Variants in HECW2 observed in about 807,000 individuals in gnomAD.
The protein encoded by HECW2 is HECT, C2 and WW domain containing E3 ubiquitin protein ligase 2.
In HECW2, 61 loss-of-function variants were observed where a neutral mutation model predicts 175.2. That is an observed-to-expected ratio of 0.35 (90% CI 0.28 to 0.43). HECW2 has a LOEUF of 0.43. Among genes scored for constraint, HECW2 ranks in the 20% least tolerant of loss-of-function variants. The pLI, the probability that HECW2 is intolerant of heterozygous loss-of-function variation, is 1.00. For synonymous variants in HECW2, 671 were observed against 731.0 expected (o/e 0.92, Z 1.32); for missense variants, 1,524 against 2,000.5 (o/e 0.76, Z 4.54).
chr2:196,407,519 C>T (rs55640421), intron 2 of HECW2, among the ~76,000 whole-genome samples: 39,208 of 152,068 alleles, frequency 0.26, 5,473 homozygotes, highest in African/African-American at 0.35. Flanking sequence ...CTTTCACAAA[C>T]ATTTGTTTAA....
chr2:196,498,580 T>C (rs1215937054), intron 1 of HECW2, among the ~76,000 whole-genome samples: 2 of 152,222 alleles, frequency 1.3e-5, no homozygotes, highest in Non-Finnish European at 2.9e-5. Flanking sequence ...GTTTACAATT[T>C]AACTTTAAAA....
At chr2:196,353,602 G>A (rs561136633) in intron 2 of HECW2, among the ~76,000 whole-genome samples, 15 of 152,290 alleles carry the variant, frequency 9.8e-5, no homozygotes, top group African/African-American at 2.4e-4. Flanking sequence ...ACATAGGGGC[G>A]AATCCCTGAT....
chr2:196,243,014 G>A (rs577517586), intron 19 of HECW2, among the ~76,000 whole-genome samples: 3 of 151,906 alleles, frequency 2.0e-5, no homozygotes, highest in African/African-American at 4.8e-5. Flanking sequence ...TTTTAGATAT[G>A]CACTATCACC....
intron 1 of HECW2, among the ~76,000 whole-genome samples, chr2:196,532,227 C>A (rs1256268962): frequency 6.6e-6 from 1 of 152,128 alleles, no homozygotes; most frequent in Non-Finnish European, 1.5e-5. Context: ...TGGAACCAAC[C>A]CAAATGTCCA....
Position 196,318,719 on chromosome 2 carries a change from G to C in HECW2, c.2171C>G (p.Ser724Trp). 6.4e-7 allele frequency: 1 copy of C among 1,558,090 alleles called. No homozygotes were observed. The highest frequency in any genetic ancestry group is 8.7e-7 in the Non-Finnish European group (1 of 1,153,074). ...CTCCTCCTGGTCAGGTACAGTGGCC[G>C]ATTCTGCCCCTGGCCCTTCATCCTC... ...SGEDEGPGAE[S>W]ATVPDQEELG... The change falls in exon 9 of 29, where the codon TCG (serine) becomes TGG (tryptophan). Residue 724 changes from serine to tryptophan, a missense_variant. Around this residue, in one of 11 missense-constraint regions of HECW2, gnomAD observed 604 missense variants for 588.3 expected, o/e 1.03. Coordinates refer to ENST00000644978, the MANE Select transcript of HECW2 (RefSeq NM_001348768.2).
chr2:196,584,915 A>C (rs1690920410), intron 1 of HECW2, among the ~76,000 whole-genome samples: 1 of 152,204 alleles, frequency 6.6e-6, no homozygotes, highest in Non-Finnish European at 1.5e-5. Flanking sequence ...TAAAATATAC[A>C]TTTAGAAGTT....
intron 1 of HECW2, among the ~76,000 whole-genome samples, chr2:196,516,062 G>A (rs1391014046): frequency 1.3e-5 from 2 of 152,098 alleles, no homozygotes. Flanking sequence ...GCTTGAACCT[G>A]GGAGGTAGAG....
chr2:196,355,085 A>G (rs939042857), intron 2 of HECW2, among the ~76,000 whole-genome samples: 8 of 152,374 alleles, frequency 5.3e-5, no homozygotes, highest in Non-Finnish European at 8.8e-5. Flanking sequence ...CAAGAAACTT[A>G]TAATTTATGG....
In HECW2 at chr2:196,308,139, A is replaced by G. The variant is rs1691340990; in HGVS notation, c.2435-54T>C. 7.4e-6 allele frequency: 10 copies of G among 1,345,948 alleles called. No homozygotes were observed. The Admixed American group carries it at 2.4e-4, about 33-fold the overall frequency. 83.4% of individuals were successfully genotyped at this position (1,345,948 alleles called of 1,614,324 possible). A position where few individuals can be genotyped will look rare whatever the true frequency, so the allele number is the denominator to read the frequency against. ...TTAGGAGGAGGAGCTGAGATGATTA[A>G]TAGGGTTCATTAAGTTTGGCATGTG... is the stretch of plus-strand genomic sequence containing the variant. On this transcript the variant is annotated intron_variant, in intron 10 of 28. Transcript: ENST00000644978.
chr2:196,319,370 T>A lies in HECW2; in HGVS notation c.1520A>T (p.Lys507Met). ...ATTCTCAACAGGGTTGTCCTCCAGCTTTGTCTGAGATGTCAGGCTTCCATC... is the reference window on the plus strand; with the variant it reads ...ATTCTCAACAGGGTTGTCCTCCAGCATTGTCTGAGATGTCAGGCTTCCATC... The part of the protein sequence containing the change: ...ADDGSLTSQT[K>M]LEDNPVENEE... Residue 507 changes from lysine (K) to methionine (M), a missense_variant, in exon 9 of 29, where the codon AAG becomes ATG. Coordinates refer to ENST00000644978, the MANE Select transcript of HECW2 (RefSeq NM_001348768.2). The A allele has an allele frequency of 6.2e-7, 1 of 1,614,186 alleles. No homozygotes were observed. Among genetic ancestry groups the A allele is most frequent in the Non-Finnish European group, 8.5e-7 (1 of 1,180,024 alleles).
At chr2:196,514,550 T>G (rs1430478389) in intron 1 of HECW2, among the ~76,000 whole-genome samples, 1 of 151,814 alleles carries the variant, frequency 6.6e-6, no homozygotes, top group Non-Finnish European at 1.5e-5. Context: ...TAAACTGGAG[T>G]GAGAACTTAT....
intron 1 of HECW2, among the ~76,000 whole-genome samples, chr2:196,450,390 T>C (rs6721157): frequency 0.13 from 20,199 of 151,966 alleles, 1,811 homozygotes; most frequent in African/African-American, 0.26. Context: ...AAGAGGCAGC[T>C]ACCAGGAATA....
chr2:196,342,900 T>G (rs1418517337), intron 3 of HECW2, among the ~76,000 whole-genome samples: 5 of 151,918 alleles, frequency 3.3e-5, no homozygotes, highest in Admixed American at 3.3e-4. Flanking sequence ...ATATTAATTA[T>G]AGATATAAAG....
intron 2 of HECW2, among the ~76,000 whole-genome samples, chr2:196,373,414 A>G (rs1347120501): frequency 6.6e-6 from 1 of 152,232 alleles, no homozygotes; most frequent in Non-Finnish European, 1.5e-5. Flanking sequence ...TGGAGCAAAT[A>G]TAACTAAAAT....
intron 9 of HECW2, among the ~76,000 whole-genome samples, chr2:196,317,605 C>T (rs1691748818): frequency 6.6e-6 from 1 of 152,016 alleles, no homozygotes; most frequent in Non-Finnish European, 1.5e-5. Flanking sequence ...TCCCCTGCCT[C>T]ATCCCTCACC....
chr2:196,556,582 G>A (rs1272755843), intron 1 of HECW2, among the ~76,000 whole-genome samples: 3 of 152,090 alleles, frequency 2.0e-5, no homozygotes, highest in African/African-American at 7.2e-5. Flanking sequence ...TCCTTATTAA[G>A]GTCAATTTCC....
chr2:196,555,966 G>A (rs1689778470), intron 1 of HECW2, among the ~76,000 whole-genome samples: 1 of 152,134 alleles, frequency 6.6e-6, no homozygotes, highest in South Asian at 2.1e-4. Context: ...GTCCTTATGT[G>A]ATTCAACTAC....
Position 196,404,562 on chromosome 2 carries a change from C to T in HECW2, c.292+28570G>A, listed in dbSNP as rs187234840. On this transcript the variant is annotated intron_variant, in intron 2 of 28. Coordinates refer to ENST00000644978, the MANE Select transcript of HECW2 (RefSeq NM_001348768.2). ...ATACATTAAACCCCAAAGAGATTTT[C>T]ACTACTGAGATTTTTATCATCTTGG... 3.9e-5 allele frequency among the ~76,000 whole-genome samples: 6 copies of T among 152,268 alleles called. No homozygotes were observed. In the East Asian group the frequency reaches 1.2e-3, roughly 29 times the overall value.
rs113300202 is a variant in HECW2 at position 196,334,297 on chromosome 2, G to A, written c.495+127C>T. 34 of 667,354 alleles carry A rather than the reference G, an allele frequency of 5.1e-5. 1 individual carries two copies. The highest frequency in any genetic ancestry group is 4.0e-4 in the African/African-American group (22 of 55,098). The allele number at this position is 667,354 out of a possible 1,614,324, so 41.3% of individuals were successfully genotyped here. A position where few individuals can be genotyped will look rare whatever the true frequency, so the allele number is the denominator to read the frequency against. ...GTAAGCTATTTCCTTTCCTATAACAGTGCCCACACTGTTATGTGTTTCCTT... is the reference window on the plus strand; with the variant it reads ...GTAAGCTATTTCCTTTCCTATAACAATGCCCACACTGTTATGTGTTTCCTT... On this transcript the variant is annotated intron_variant, in intron 4 of 28. Coordinates refer to ENST00000644978, the MANE Select transcript of HECW2 (RefSeq NM_001348768.2).
Sources: gnomAD v4.1 joint callset for allele counts (sites outside exome capture counted in the v4.1 genomes callset) on GRCh38, gnomAD v4.1.1 for gene constraint, gnomAD v4.1.1 regional missense constraint, MANE v1.5 for transcripts, NCBI Gene and HGNC (gene_info 2026-07-23, HGNC 2026-07-21) for gene names.